FGGY: variants seen among roughly 807,000 people sequenced by gnomAD.
The protein encoded by FGGY is FGGY carbohydrate kinase domain containing.
In FGGY, 72 loss-of-function variants were observed where a neutral mutation model predicts 71.3. The ratio of observed to expected loss-of-function variants is 1.01; its 90% CI spans 0.84 to 1.23. FGGY has a LOEUF of 1.23. FGGY is among the 50% of genes most tolerant of loss of function. The probability of loss-of-function intolerance (pLI) is 0.00; values close to 1 mark genes in which losing one functional copy is unlikely to be tolerated. For synonymous variants in FGGY, 251 were observed against 250.3 expected (o/e 1.00, Z -0.02); for missense variants, 668 against 682.3 (o/e 0.98, Z 0.23).
At chr1:59,566,438 G>T (rs544271697) in intron 8 of FGGY, among the ~76,000 whole-genome samples, 1 of 152,232 alleles carries the variant, frequency 6.6e-6, no homozygotes, top group South Asian at 2.1e-4. Flanking sequence ...CTTAAGAGCT[G>T]TCAGAAGTTT....
intron 6 of FGGY, among the ~76,000 whole-genome samples, chr1:59,503,487 A>G (rs1333024996): frequency 6.6e-6 from 1 of 151,426 alleles, no homozygotes; most frequent in Non-Finnish European, 1.5e-5. Flanking sequence ...AAAAGGTGGT[A>G]TCTACAATAT....
intron 4 of FGGY, among the ~76,000 whole-genome samples, chr1:59,377,619 T>C (rs1028848307): frequency 1.3e-5 from 2 of 151,744 alleles, no homozygotes; most frequent in South Asian, 2.1e-4. Context: ...CATATCAACA[T>C]TACACAAATG....
intron 3 of FGGY, among the ~76,000 whole-genome samples, chr1:59,344,305 G>GT (rs541804255): frequency 0.034 from 4,807 of 139,872 alleles, 246 homozygotes; most frequent in African/African-American, 0.12. Context: ...TTTTTTTGTT[G>GT]TTTTTTTTTT....
intron 14 of FGGY, among the ~76,000 whole-genome samples, chr1:59,713,136 T>A (rs1200373283): frequency 6.6e-6 from 1 of 152,230 alleles, no homozygotes; most frequent in East Asian, 1.9e-4. Context: ...CACCATTCTC[T>A]TTGCTAAAAC....
intron 8 of FGGY, among the ~76,000 whole-genome samples, chr1:59,586,627 T>C (rs1296969048): frequency 6.6e-6 from 1 of 152,112 alleles, no homozygotes; most frequent in African/African-American, 2.4e-5. Context: ...CTGCACATTG[T>C]GCACATGTAC....
intron 6 of FGGY, among the ~76,000 whole-genome samples, chr1:59,488,434 C>A (rs949744835): frequency 6.6e-6 from 1 of 150,520 alleles, no homozygotes; most frequent in Middle Eastern, 3.2e-3. Flanking sequence ...CAGCATTTAC[C>A]TCCAAGAGAT....
chr1:59,669,092 G>C (rs1010055093), intron 13 of FGGY, among the ~76,000 whole-genome samples: 1 of 151,808 alleles, frequency 6.6e-6, no homozygotes, highest in Non-Finnish European at 1.5e-5. Context: ...CTATGTGTCA[G>C]TGTGAATCAC....
chr1:59,342,008 A>G (rs2050801238), intron 3 of FGGY, among the ~76,000 whole-genome samples: 1 of 152,322 alleles, frequency 6.6e-6, no homozygotes, highest in Admixed American at 6.5e-5. Flanking sequence ...ACTTGGTTCC[A>G]TAAAGCACAA....
chr1:59,707,403 G>C (rs144293479), intron 14 of FGGY, among the ~76,000 whole-genome samples: 1 of 152,194 alleles, frequency 6.6e-6, no homozygotes. Context: ...GTAGGAGGAG[G>C]GGGAGAGAGG....
intron 6 of FGGY, among the ~76,000 whole-genome samples, chr1:59,506,703 G>A (rs2094393042): frequency 6.6e-6 from 1 of 152,154 alleles, no homozygotes; most frequent in Admixed American, 6.5e-5. Context: ...AGAAGCCGAG[G>A]CATGAGAATC....
chr1:59,467,099 G>C (rs7538677), intron 6 of FGGY, among the ~76,000 whole-genome samples: 10,216 of 152,132 alleles, frequency 0.067, 1,163 homozygotes, highest in African/African-American at 0.24. Context: ...TTGGAACCAA[G>C]TCGAATTTCC....
At chr1:59,425,680 G>A (rs553284882) in intron 5 of FGGY, among the ~76,000 whole-genome samples, 5 of 152,176 alleles carry the variant, frequency 3.3e-5, no homozygotes, top group African/African-American at 9.6e-5. Context: ...TTACTTTGTC[G>A]TGTACCATCT....
chr1:59,476,745 T>TAATTGAGTG (rs1210031469), intron 6 of FGGY, among the ~76,000 whole-genome samples: 1 of 152,258 alleles, frequency 6.6e-6, no homozygotes, highest in African/African-American at 2.4e-5. Context: ...ATCTAGATTT[T>TAATTGAGTG]AATTGAGTGT....
intron 5 of FGGY, among the ~76,000 whole-genome samples, chr1:59,385,137 C>T (rs762424427): frequency 3.3e-5 from 5 of 152,036 alleles, no homozygotes; most frequent in East Asian, 3.9e-4. Context: ...AGAACACCTC[C>T]TCCCCTTTCT....
chr1:59,737,742 G>T (rs544874128), intron 14 of FGGY, among the ~76,000 whole-genome samples: 29 of 152,304 alleles, frequency 1.9e-4, no homozygotes, highest in African/African-American at 7.0e-4. Context: ...CAGAGGTGAC[G>T]CTGGACTGTG....
chr1:59,499,563 G>C (rs919369112), intron 6 of FGGY, among the ~76,000 whole-genome samples: 1 of 152,086 alleles, frequency 6.6e-6, no homozygotes, highest in Admixed American at 6.6e-5. Flanking sequence ...CGAAACTGCA[G>C]ATAAGGGGAG....
chr1:59,699,117 C>T, intron 14 of FGGY: 4 of 985,320 alleles, frequency 4.1e-6, no homozygotes, highest in Non-Finnish European at 4.8e-6. Flanking sequence ...ACTATCAAAC[C>T]AATCTTGATT....
At chr1:59,475,049 G>C (rs975871604) in intron 6 of FGGY, among the ~76,000 whole-genome samples, 3 of 152,156 alleles carry the variant, frequency 2.0e-5, no homozygotes, top group Admixed American at 6.5e-5. Context: ...TCTGAATTCA[G>C]ATTTCTCTCT....
At chr1:59,552,981 C>T (rs1256937919) in intron 7 of FGGY, among the ~76,000 whole-genome samples, 1 of 152,132 alleles carries the variant, frequency 6.6e-6, no homozygotes, top group Non-Finnish European at 1.5e-5. Flanking sequence ...TAGGGAAGTC[C>T]ATTGCATGAG....
Sources: gnomAD v4.1 joint callset for allele counts (sites outside exome capture counted in the v4.1 genomes callset) on GRCh38, gnomAD v4.1.1 for gene constraint, MANE v1.5 for transcripts, NCBI Gene and HGNC (gene_info 2026-07-23, HGNC 2026-07-21) for gene names.